Variants in KDM6A observed in about 807,000 individuals in gnomAD.
KDM6A encodes the protein lysine demethylase 6A, also known as lysine-specific demethylase 6A.
A neutral mutation model predicts 117.6 loss-of-function variants in KDM6A; 11 were observed. The observed-to-expected ratio is 0.09, with a 90% CI of 0.06 to 0.15. The LOEUF (loss-of-function observed/expected upper bound fraction) is 0.15, where lower values mean the gene tolerates loss of function less well. KDM6A is among the 10% of genes least tolerant of loss of function. The pLI is 1.00. For synonymous variants in KDM6A, 384 were observed against 396.1 expected, an observed-to-expected ratio of 0.97 and a Z score of 0.36; for missense variants, 799 against 1,077.3, an observed-to-expected ratio of 0.74 and a Z score of 3.62.
chrX:45,048,159 CAAAAAA>C (rs571121737), intron 8 of KDM6A, among the ~76,000 whole-genome samples: 2 of 34,318 alleles, frequency 5.8e-5, no homozygotes, highest in African/African-American at 1.8e-4. Flanking sequence ...AAGTGCGTCT[CAAAAAA>C]AAAAAAAAAA....
intron 2 of KDM6A, among the ~76,000 whole-genome samples, chrX:44,944,208 C>T (rs768274177): frequency 3.6e-5 from 4 of 109,888 alleles, no homozygotes; most frequent in East Asian, 2.9e-4. Context: ...AAAAATTAGC[C>T]GGGCGTGGTG....
intron 4 of KDM6A, among the ~76,000 whole-genome samples, chrX:44,986,052 G>C (rs181743772): frequency 0.038 from 4,226 of 111,335 alleles, 210 homozygotes; most frequent in African/African-American, 0.13. Flanking sequence ...ACTTTTTTTG[G>C]TTGGTAAGCT....
At chrX:45,105,450 TC>T (rs1385834020) in intron 27 of KDM6A, among the ~76,000 whole-genome samples, 1 of 111,391 alleles carries the variant, frequency 9.0e-6, no homozygotes, top group Non-Finnish European at 1.9e-5. Flanking sequence ...TTTGAAGTCT[TC>T]CAATGGTATC....
At chrX:45,005,948 A>C (rs1602541907) in intron 4 of KDM6A, among the ~76,000 whole-genome samples, 7 of 63,131 alleles carry the variant, frequency 1.1e-4, no homozygotes, top group African/African-American at 2.2e-4. Flanking sequence ...GGAGTACTTC[A>C]CCTCACCCCC....
At chrX:45,071,739 T>TTCTTTTCTTTTCTTTTCTTG (rs2044844119) in intron 18 of KDM6A, among the ~76,000 whole-genome samples, 2 of 96,929 alleles carry the variant, frequency 2.1e-5, no homozygotes, top group African/African-American at 3.8e-5. Flanking sequence ...GTGTTTTCTT[T>TTCTTTTCTTTTCTTTTCTTG]TCTTTTCTTG....
At chrX:45,061,012 A>G (rs936658386) in intron 14 of KDM6A, among the ~76,000 whole-genome samples, 4 of 110,825 alleles carry the variant, frequency 3.6e-5, no homozygotes, top group African/African-American at 1.3e-4. Flanking sequence ...TTTCATCATC[A>G]CTTTTTACTG....
Position 44,889,903 on chromosome X carries a change from A to G in KDM6A, c.225+15916A>G, listed in dbSNP as rs2033199042. On this transcript the variant is annotated intron_variant, in intron 2 of 29. Coordinates refer to ENST00000611820, the MANE Select transcript of KDM6A (RefSeq NM_001291415.2). Reference sequence around the variant, plus strand: ...GATTTATATGCATTTTTAAGAAATAATAGAGCTAGTGTGTGCTTTACCCAG... The same window carrying G: ...GATTTATATGCATTTTTAAGAAATAGTAGAGCTAGTGTGTGCTTTACCCAG... Among the ~76,000 whole-genome samples, 3 of 112,543 alleles carry G rather than the reference A, an allele frequency of 2.7e-5. No homozygotes were observed. In the South Asian group the frequency reaches 1.1e-3, roughly 41 times the overall value.
At chrX:44,933,888 A>G (rs902851144) in intron 2 of KDM6A, among the ~76,000 whole-genome samples, 3 of 112,168 alleles carry the variant, frequency 2.7e-5, no homozygotes, top group African/African-American at 9.7e-5. Flanking sequence ...TTTGCTTTCT[A>G]TTATAAAGGA....
intron 2 of KDM6A, among the ~76,000 whole-genome samples, chrX:44,925,100 T>G (rs2036228000): frequency 8.9e-6 from 1 of 112,033 alleles, no homozygotes; most frequent in South Asian, 3.7e-4. Flanking sequence ...GTATCCGGGT[T>G]CTAGGGTAAT....
At chrX:44,924,639 G>A (rs934421951) in intron 2 of KDM6A, among the ~76,000 whole-genome samples, 4 of 97,085 alleles carry the variant, frequency 4.1e-5, no homozygotes, top group Admixed American at 1.2e-4. Flanking sequence ...TTTGTTTTAG[G>A]TGGTCCTGGG....
intron 16 of KDM6A, among the ~76,000 whole-genome samples, chrX:45,063,139 A>G (rs2044374168): frequency 1.8e-5 from 2 of 110,770 alleles, no homozygotes; most frequent in Admixed American, 1.9e-4. Context: ...GTCGTTTTCT[A>G]TAATTTTCAG....
chrX:45,042,047 G>C (rs1426652561), intron 8 of KDM6A, among the ~76,000 whole-genome samples: 1 of 110,576 alleles, frequency 9.0e-6, no homozygotes, highest in Non-Finnish European at 1.9e-5. Flanking sequence ...GTTAGGAGCT[G>C]GAGACCAGCC....
intron 8 of KDM6A, among the ~76,000 whole-genome samples, chrX:45,041,366 G>C (rs2043181557): frequency 1.0e-5 from 1 of 97,421 alleles, no homozygotes; most frequent in Admixed American, 1.0e-4. Context: ...TCACTTCCCA[G>C]TAGGGGCGGC....
chrX:44,952,539 C>A (rs1021446345), intron 2 of KDM6A, among the ~76,000 whole-genome samples: 30 of 111,119 alleles, frequency 2.7e-4, no homozygotes, highest in African/African-American at 9.8e-4. Flanking sequence ...TCCCACCGTG[C>A]TGTGATTATA....
At chrX:44,933,344 T>C (rs2036773393) in intron 2 of KDM6A, among the ~76,000 whole-genome samples, 1 of 95,471 alleles carries the variant, frequency 1.0e-5, no homozygotes, top group Non-Finnish European at 2.0e-5. Flanking sequence ...CTCGGCTCAC[T>C]GCAACCTCCG....
intron 5 of KDM6A, among the ~76,000 whole-genome samples, chrX:45,020,028 A>C (rs2042111042): frequency 9.0e-6 from 1 of 111,542 alleles, no homozygotes. Context: ...CACAGTAGCA[A>C]CATAGAGTTT....
chrX:44,989,418 C>G (rs994871152), intron 4 of KDM6A, among the ~76,000 whole-genome samples: 1 of 107,931 alleles, frequency 9.3e-6, no homozygotes, highest in African/African-American at 3.4e-5. Flanking sequence ...CCTGCACCCA[C>G]TTTCTGACAC....
intron 27 of KDM6A, among the ~76,000 whole-genome samples, chrX:45,105,102 A>G (rs2046477405): frequency 8.9e-6 from 1 of 111,826 alleles, no homozygotes; most frequent in Non-Finnish European, 1.9e-5. Flanking sequence ...TCCTGAGCCC[A>G]AGAATCTCAT....
intron 2 of KDM6A, among the ~76,000 whole-genome samples, chrX:44,900,466 C>CT (rs921813282): frequency 1.4e-4 from 16 of 111,804 alleles, no homozygotes; most frequent in African/African-American, 5.2e-4. Context: ...TGATTTTATC[C>CT]TTTTTTCTGT....
Sources: allele counts gnomAD v4.1 joint callset (sites outside exome capture counted in the v4.1 genomes callset), GRCh38; gene constraint gnomAD v4.1.1; transcripts MANE v1.5; gene names NCBI Gene and HGNC (gene_info 2026-07-23, HGNC 2026-07-21).